Variants in CNIH3 observed in about 807,000 individuals in gnomAD.
CNIH3 encodes the protein cornichon family AMPA receptor auxiliary protein 3.
A neutral mutation model predicts 24.1 loss-of-function variants in CNIH3; 14 were observed. The observed-to-expected ratio is 0.58, with a 90% CI of 0.38 to 0.91. The LOEUF (loss-of-function observed/expected upper bound fraction) is 0.91. Among genes scored for constraint, CNIH3 ranks in the 40% least tolerant of loss-of-function variants. The probability of loss-of-function intolerance (pLI) is 0.00; values close to 1 mark genes in which losing one functional copy is unlikely to be tolerated. For synonymous variants in CNIH3, 68 were observed against 73.8 expected, an observed-to-expected ratio of 0.92 and a Z score of 0.40; for missense variants, 178 against 196.8, an observed-to-expected ratio of 0.90 and a Z score of 0.57.
chr1:224,527,862 G>C (rs996316999), intron 2 of CNIH3, among the ~76,000 whole-genome samples: 6 of 152,098 alleles, frequency 3.9e-5, no homozygotes, highest in Non-Finnish European at 7.4e-5. Flanking sequence ...TTATATATGT[G>C]TATGCATATA....
chr1:224,668,715 G>A lies in CNIH3; in HGVS notation c.82-12243G>A, dbSNP rs897516906. 2.0e-5 allele frequency among the ~76,000 whole-genome samples: 3 copies of A among 152,226 alleles called. No homozygotes were observed. The South Asian group carries it at 6.2e-4, about 32-fold the overall frequency. On this transcript the variant is annotated intron_variant, in intron 1 of 5. Transcript: ENST00000272133. ...AGGATCCCAAAAGGATGTGTGGAAG[G>A]TCACCAAACATTTGAGCCAGAAATT...
intron 4 of CNIH3, among the ~76,000 whole-genome samples, chr1:224,576,597 T>C (rs977950587): frequency 6.6e-6 from 1 of 152,264 alleles, no homozygotes; most frequent in African/African-American, 2.4e-5. Context: ...CATTCAGTGT[T>C]TGCATTCTTA....
At chr1:224,471,314 A>G (rs1027027639) in intron 1 of CNIH3, among the ~76,000 whole-genome samples, 9 of 152,042 alleles carry the variant, frequency 5.9e-5, no homozygotes, top group Non-Finnish European at 1.2e-4. Context: ...CCAGGCGTGA[A>G]CCACAGTGCC....
intron 1 of CNIH3, among the ~76,000 whole-genome samples, chr1:224,630,236 G>T (rs578205541): frequency 2.0e-5 from 3 of 152,250 alleles, no homozygotes; most frequent in East Asian, 3.9e-4. Context: ...TCAGATCAGT[G>T]CAAAGGGTTA....
chr1:224,543,141 C>T (rs1289059672), intron 2 of CNIH3, among the ~76,000 whole-genome samples: 4 of 152,024 alleles, frequency 2.6e-5, no homozygotes, highest in African/African-American at 4.8e-5. Flanking sequence ...ATCATGTGGG[C>T]CAATAATTCA....
At chr1:224,618,091 G>A (rs1259459902) in intron 1 of CNIH3, among the ~76,000 whole-genome samples, 1 of 152,228 alleles carries the variant, frequency 6.6e-6, no homozygotes, top group African/African-American at 2.4e-5. Flanking sequence ...GAATAGAGGA[G>A]CGCAAGCTTC....
intron 1 of CNIH3, among the ~76,000 whole-genome samples, chr1:224,469,528 G>A (rs1006692152): frequency 5.9e-5 from 9 of 151,884 alleles, no homozygotes; most frequent in East Asian, 1.9e-4. Flanking sequence ...GTTTTATAGC[G>A]ACAGAGTCTT....
intron 3 of CNIH3, among the ~76,000 whole-genome samples, chr1:224,557,404 T>C (rs1341559894): frequency 6.6e-6 from 1 of 152,030 alleles, no homozygotes; most frequent in African/African-American, 2.4e-5. Context: ...GAAAACCCCC[T>C]CACAAAATCC....
At chr1:224,528,682 TC>T (rs1316540569) in intron 2 of CNIH3, among the ~76,000 whole-genome samples, 1 of 152,176 alleles carries the variant, frequency 6.6e-6, no homozygotes, top group Non-Finnish European at 1.5e-5. Flanking sequence ...TGGGTTTTCT[TC>T]CTTTGTATTT....
chr1:224,474,576 G>A (rs545175927), intron 1 of CNIH3, among the ~76,000 whole-genome samples: 6 of 151,928 alleles, frequency 3.9e-5, no homozygotes, highest in African/African-American at 1.4e-4. Context: ...CCCAAAATAA[G>A]TAGAAGAAAA....
chr1:224,536,982 C>T (rs1679311350), downstream of CNIH3: 1 of 152,042 alleles, frequency 6.6e-6, no homozygotes, highest in Non-Finnish European at 1.5e-5. Context: ...AAAGGATGGT[C>T]GCATCTGTGA....
chr1:224,486,128 C>G (rs1408377494), intron 1 of CNIH3, among the ~76,000 whole-genome samples: 1 of 152,092 alleles, frequency 6.6e-6, no homozygotes, highest in Admixed American at 6.6e-5. Flanking sequence ...TGTTTTGAGA[C>G]AGGGTCTGGC....
At chr1:224,539,453 G>A (rs892007999), downstream of CNIH3, among the ~76,000 whole-genome samples, 2 of 152,068 alleles carry the variant, frequency 1.3e-5, no homozygotes, top group Non-Finnish European at 2.9e-5. Flanking sequence ...TTCCAACTTC[G>A]ACTTTTCTTC....
chr1:224,729,432 AAAAG>A (rs1689204903), intron 3 of CNIH3, among the ~76,000 whole-genome samples: 1 of 150,742 alleles, frequency 6.6e-6, no homozygotes, highest in Non-Finnish European at 1.5e-5. Flanking sequence ...AAAAAAAAAA[AAAAG>A]GTAAGTGGCA....
At chr1:224,487,760 C>T (rs1677083361) in intron 1 of CNIH3, among the ~76,000 whole-genome samples, 1 of 152,204 alleles carries the variant, frequency 6.6e-6, no homozygotes. Context: ...GACATCCCTT[C>T]TCACTCTGGA....
At chr1:224,603,203 T>A (rs1393982598) in intron 3 of CNIH3, among the ~76,000 whole-genome samples, 1 of 152,218 alleles carries the variant, frequency 6.6e-6, no homozygotes, top group African/African-American at 2.4e-5. Context: ...ACACTTTACA[T>A]GAGATGAACA....
intron 1 of CNIH3, among the ~76,000 whole-genome samples, chr1:224,479,571 T>C (rs1400093951): frequency 6.6e-6 from 1 of 152,244 alleles, no homozygotes; most frequent in Non-Finnish European, 1.5e-5. Context: ...AGCAAGTTAG[T>C]TCCTAATTAC....
intron 1 of CNIH3, among the ~76,000 whole-genome samples, chr1:224,626,293 A>G (rs1462265956): frequency 6.6e-6 from 1 of 152,170 alleles, no homozygotes; most frequent in Non-Finnish European, 1.5e-5. Context: ...GGTTGCCTGC[A>G]TTTCTTAATG....
intron 1 of CNIH3, among the ~76,000 whole-genome samples, chr1:224,438,319 A>C (rs1674756788): frequency 6.6e-6 from 1 of 151,944 alleles, no homozygotes; most frequent in South Asian, 2.1e-4. Context: ...TGGCCTCCCA[A>C]AGTGTTAGGA....
Sources: allele counts gnomAD v4.1 joint callset (sites outside exome capture counted in the v4.1 genomes callset), GRCh38; gene constraint gnomAD v4.1.1; transcripts MANE v1.5; gene names NCBI Gene and HGNC (gene_info 2026-07-23, HGNC 2026-07-21).